The following PPP1R9A variants were observed in gnomAD, a reference collection of about 807,000 sequenced individuals.
The protein encoded by PPP1R9A is neurabin-1.
PPP1R9A carries 59 observed loss-of-function variants against 141.9 expected under a neutral mutation model. The observed-to-expected ratio is 0.42, with a 90% CI of 0.34 to 0.52. The LOEUF is 0.52. Among genes scored for constraint, PPP1R9A ranks in the 20% least tolerant of loss-of-function variants. PPP1R9A has a pLI of 0.10. For synonymous variants in PPP1R9A, 500 were observed against 569.7 expected (o/e 0.88, Z 1.74); for missense variants, 1,444 against 1,611.9 (o/e 0.90, Z 1.78).
rs1206452835 is a variant in PPP1R9A at position 95,296,154 on chromosome 7, T to A, written c.*5851T>A. 1.3e-5 allele frequency: 2 copies of A among 152,636 alleles called. No homozygotes were observed. The highest frequency in any genetic ancestry group is 2.9e-5 in the Non-Finnish European group (2 of 68,038). The allele number at this position is 152,636 out of a possible 1,614,324, so 9.5% of individuals were successfully genotyped here. A position where few individuals can be genotyped will look rare whatever the true frequency, so the allele number is the denominator to read the frequency against. On this transcript the variant is annotated 3_prime_UTR_variant, in exon 20 of 20. Transcript: ENST00000433360. ...ATCATTTGCATGGAAGAGACAATAG[T>A]GCCACGTCTGAATTGTTCTCTTGTG...
Position 95,271,082 on chromosome 7 carries a change from C to T in PPP1R9A, c.3124+1575C>T, listed in dbSNP as rs112580926. ...GAGGGAATAGCGGGTAAAGTGATGT[C>T]ATTAACAGAGACAGGCACATATCAT... On this transcript the variant is annotated intron_variant, in intron 14 of 19. Coordinates refer to ENST00000433360, the MANE Select transcript of PPP1R9A (RefSeq NM_001166160.2). 6.8e-3 allele frequency among the ~76,000 whole-genome samples: 1,042 copies of T among 152,244 alleles called. 2 individuals are homozygous for T. Among genetic ancestry groups the T allele is most frequent in the Non-Finnish European group, 0.011 (723 of 68,022 alleles).
chr7:95,101,931 T>C (rs1311013919), intron 2 of PPP1R9A, among the ~76,000 whole-genome samples: 2 of 152,188 alleles, frequency 1.3e-5, no homozygotes, highest in Non-Finnish European at 2.9e-5. Flanking sequence ...ATGTGGATTT[T>C]TGGTTGTTAA....
chr7:95,202,634 G>T (rs992574747), intron 6 of PPP1R9A: 5 of 897,636 alleles, frequency 5.6e-6, no homozygotes, highest in African/African-American at 5.5e-5. Flanking sequence ...CACTCGGGGG[G>T]TATGATAAAT....
At chr7:95,146,333 T>C (rs1263080608) in intron 4 of PPP1R9A, among the ~76,000 whole-genome samples, 3 of 152,234 alleles carry the variant, frequency 2.0e-5, no homozygotes, top group African/African-American at 7.2e-5. Flanking sequence ...CTTTGCCCAC[T>C]TTTTGATGGG....
At chr7:94,946,874 A>G (rs1795948928) in intron 2 of PPP1R9A, among the ~76,000 whole-genome samples, 1 of 152,146 alleles carries the variant, frequency 6.6e-6, no homozygotes, top group Non-Finnish European at 1.5e-5. Flanking sequence ...CCTAAGTTAA[A>G]TATGTGGATT....
chr7:95,152,996 C>G (rs187274990), intron 4 of PPP1R9A, among the ~76,000 whole-genome samples: 2 of 152,070 alleles, frequency 1.3e-5, no homozygotes, highest in East Asian at 1.9e-4. Flanking sequence ...ACTACAGGCA[C>G]CTGCCACCAT....
At chr7:95,216,153 G>A (rs1428815716) in intron 7 of PPP1R9A, among the ~76,000 whole-genome samples, 5 of 152,094 alleles carry the variant, frequency 3.3e-5, no homozygotes, top group African/African-American at 4.8e-5. Context: ...TTTTGTATAA[G>A]GTATAAGGAA....
chr7:95,224,972 A>G (rs962308422), intron 7 of PPP1R9A, among the ~76,000 whole-genome samples: 1 of 152,242 alleles, frequency 6.6e-6, no homozygotes, highest in South Asian at 2.1e-4. Flanking sequence ...TCTTTAAATT[A>G]TATCATAAGG....
At chr7:95,239,819 T>C (rs1035889253) in intron 8 of PPP1R9A, among the ~76,000 whole-genome samples, 1 of 151,716 alleles carries the variant, frequency 6.6e-6, no homozygotes, top group East Asian at 1.9e-4. Context: ...AATTAAAAAT[T>C]AAGAACAAAA....
At chr7:95,126,192 G>A (rs1214143527) in intron 4 of PPP1R9A, among the ~76,000 whole-genome samples, 1 of 152,072 alleles carries the variant, frequency 6.6e-6, no homozygotes, top group East Asian at 1.9e-4. Context: ...GTACATTAAT[G>A]TTGCTCCAGC....
chr7:95,235,155 G>A (rs1229078113), intron 8 of PPP1R9A, among the ~76,000 whole-genome samples: 1 of 151,992 alleles, frequency 6.6e-6, no homozygotes, highest in Non-Finnish European at 1.5e-5. Context: ...CAAAAACAAA[G>A]GTAAATAGAT....
At chr7:95,163,314 GGTCT>G (rs1830705729) in intron 5 of PPP1R9A, among the ~76,000 whole-genome samples, 2 of 152,054 alleles carry the variant, frequency 1.3e-5, no homozygotes, top group South Asian at 2.1e-4. Flanking sequence ...CTTCTTAACT[GGTCT>G]GTCTGTTTTC....
At chr7:94,917,649 C>A (rs1050954825) in intron 2 of PPP1R9A, among the ~76,000 whole-genome samples, 1 of 151,830 alleles carries the variant, frequency 6.6e-6, no homozygotes, top group African/African-American at 2.4e-5. Context: ...TTCAAGCGAC[C>A]CTCCTGCCTT....
At chr7:95,120,446 A>G (rs1310270344) in intron 3 of PPP1R9A, among the ~76,000 whole-genome samples, 5 of 152,256 alleles carry the variant, frequency 3.3e-5, no homozygotes, top group Admixed American at 1.3e-4. Context: ...TGACTATTCA[A>G]TAATCAAGTT....
At position 94,911,115 on chromosome 7, in the gene PPP1R9A, C is replaced by A; in HGVS notation, c.1002C>A (p.Ser334=). Residue 334 remains serine, a synonymous_variant, in exon 2 of 20, where the codon TCC becomes TCA. Transcript: ENST00000433360. ...CTGAAAGTAAGGCAATGCCAAAGTCCGAAATCCCTTCACCACAAAGCCAAC... is the reference window on the plus strand; with the variant it reads ...CTGAAAGTAAGGCAATGCCAAAGTCAGAAATCCCTTCACCACAAAGCCAAC... ...PCAESKAMPK[S]EIPSPQSQLL... 1.2e-6 allele frequency: 2 copies of A among 1,614,114 alleles called. No individual in the cohort carries two copies. Among genetic ancestry groups the A allele is most frequent in the Non-Finnish European group, 1.7e-6 (2 of 1,180,012 alleles).
intron 8 of PPP1R9A, among the ~76,000 whole-genome samples, chr7:95,237,542 AC>A (rs1310880801): frequency 2.6e-5 from 4 of 151,946 alleles, no homozygotes; most frequent in African/African-American, 7.2e-5. Context: ...ACACATATAC[AC>A]ATTTTTTCTG....
intron 2 of PPP1R9A, among the ~76,000 whole-genome samples, chr7:95,015,861 G>A (rs1805029456): frequency 6.6e-6 from 1 of 151,926 alleles, no homozygotes; most frequent in Admixed American, 6.6e-5. Context: ...AATATCCTGG[G>A]CAACATGGTG....
At chr7:95,144,806 T>C (rs1827320724) in intron 4 of PPP1R9A, among the ~76,000 whole-genome samples, 1 of 152,174 alleles carries the variant, frequency 6.6e-6, no homozygotes, top group Non-Finnish European at 1.5e-5. Flanking sequence ...CTGTTGTAGA[T>C]GACATGACCT....
At chr7:95,193,149 C>T (rs758940442) in intron 5 of PPP1R9A, among the ~76,000 whole-genome samples, 1 of 152,038 alleles carries the variant, frequency 6.6e-6, no homozygotes, top group Non-Finnish European at 1.5e-5. Context: ...CCATCTGGAT[C>T]GTACTTATCA....
Sources: gnomAD v4.1 joint callset for allele counts (sites outside exome capture counted in the v4.1 genomes callset) on GRCh38, gnomAD v4.1.1 for gene constraint, MANE v1.5 for transcripts, NCBI Gene and HGNC (gene_info 2026-07-23, HGNC 2026-07-21) for gene names.